Variants in GFRA2 observed in about 807,000 individuals in gnomAD.
The protein encoded by GFRA2 is GDNF family receptor alpha 2, also known as GDNF family receptor alpha-2.
GFRA2 carries 17 observed loss-of-function variants against 48.3 expected under a neutral mutation model. The ratio of observed to expected loss-of-function variants is 0.35; its 90% CI spans 0.24 to 0.53. The LOEUF (loss-of-function observed/expected upper bound fraction) is 0.53. Ranked by LOEUF, GFRA2 falls within the 20% of genes least tolerant of loss-of-function variation. GFRA2 has a pLI of 0.93. For missense variants in GFRA2, 660 were observed against 637.3 expected (o/e 1.04, Z -0.38); for synonymous variants, 305 against 257.2 (o/e 1.19, Z -1.78).
At chr8:21,721,484 C>T (rs145277966) in intron 4 of GFRA2, among the ~76,000 whole-genome samples, 144 of 152,252 alleles carry the variant, frequency 9.5e-4, no homozygotes, top group African/African-American at 3.3e-3. Context: ...TTCTCAAACA[C>T]GCAGAAGGGC....
chr8:21,720,277 C>T (rs77757925), intron 4 of GFRA2, among the ~76,000 whole-genome samples: 6,513 of 152,284 alleles, frequency 0.043, 461 homozygotes, highest in African/African-American at 0.15. Flanking sequence ...GAGAGCAAGA[C>T]TCCAGGCACC....
intron 4 of GFRA2, among the ~76,000 whole-genome samples, chr8:21,729,821 G>A (rs1303639587): frequency 6.6e-6 from 1 of 152,114 alleles, no homozygotes; most frequent in Non-Finnish European, 1.5e-5. Flanking sequence ...CACTCTTCCA[G>A]ACCATGAGAA....
chr8:21,765,497 A>C (rs796818283), intron 3 of GFRA2, among the ~76,000 whole-genome samples: 1 of 151,874 alleles, frequency 6.6e-6, no homozygotes, highest in Non-Finnish European at 1.5e-5. Flanking sequence ...CCCTAGTCTC[A>C]GCTGCCTTTG....
chr8:21,745,508 T>C (rs1345701022), intron 4 of GFRA2, among the ~76,000 whole-genome samples: 1 of 152,150 alleles, frequency 6.6e-6, no homozygotes, highest in Non-Finnish European at 1.5e-5. Context: ...AGGTTGGGGG[T>C]TCTGCAATTC....
chr8:21,708,349 G>A (rs568983260), intron 4 of GFRA2, among the ~76,000 whole-genome samples: 2 of 152,178 alleles, frequency 1.3e-5, no homozygotes, highest in African/African-American at 2.4e-5. Context: ...ATCCCCCTCC[G>A]CAGCCAGCAA....
At chr8:21,764,432 C>T (rs1806057479) in intron 3 of GFRA2, among the ~76,000 whole-genome samples, 1 of 152,234 alleles carries the variant, frequency 6.6e-6, no homozygotes, top group Non-Finnish European at 1.5e-5. Flanking sequence ...CTTAGGATTT[C>T]AACCTATAAA....
chr8:21,734,576 A>T (rs1442604425), intron 4 of GFRA2, among the ~76,000 whole-genome samples: 1 of 152,234 alleles, frequency 6.6e-6, no homozygotes, highest in East Asian at 1.9e-4. Context: ...CTAAAGGTCA[A>T]AGATGGGATA....
upstream of GFRA2, among the ~76,000 whole-genome samples, chr8:21,793,053 C>T (rs35397099): frequency 0.11 from 17,104 of 151,840 alleles, 1,207 homozygotes; most frequent in African/African-American, 0.2. Flanking sequence ...CGCAACAGAG[C>T]GAGACCCTGC....
chr8:21,718,333 G>A (rs374213277), intron 4 of GFRA2, among the ~76,000 whole-genome samples: 32 of 152,276 alleles, frequency 2.1e-4, no homozygotes, highest in African/African-American at 7.7e-4. Flanking sequence ...TGCCATAATT[G>A]TGAGGCTTCC....
upstream of GFRA2, among the ~76,000 whole-genome samples, chr8:21,789,759 ATGCCCCTT>A (rs1230653985): frequency 2.2e-5 from 3 of 136,660 alleles, no homozygotes; most frequent in Non-Finnish European, 4.7e-5. Context: ...CCCCTTCGAG[ATGCCCCTT>A]CCCCAGCCGG....
chr8:21,702,068 T>C (rs1158804129), intron 7 of GFRA2, among the ~76,000 whole-genome samples: 1 of 152,168 alleles, frequency 6.6e-6, no homozygotes, highest in Non-Finnish European at 1.5e-5. Flanking sequence ...CTGGCTGAGC[T>C]GCCCGCCGCT....
At chr8:21,762,514 A>T (rs1256623964) in intron 3 of GFRA2, among the ~76,000 whole-genome samples, 1 of 152,226 alleles carries the variant, frequency 6.6e-6, no homozygotes, top group African/African-American at 2.4e-5. Context: ...ACCACCCAGC[A>T]GTCTCCAGGT....
intron 3 of GFRA2, chr8:21,769,239 C>A: frequency 1.1e-6 from 1 of 918,326 alleles, no homozygotes; most frequent in Non-Finnish European, 1.3e-6. Flanking sequence ...AAGTCTGGCC[C>A]CAGCCCCGCC....
In GFRA2 at chr8:21,704,979, A is replaced by C; in HGVS notation, c.1045+6T>G. 1 of 1,607,524 alleles carries C rather than the reference A, an allele frequency of 6.2e-7. No individual in the cohort carries two copies. ...GCTGGGGTTGGGGAGAACATCCAGAACTTACGGAGGCATGGGTTCTCGGTG... is the reference window on the plus strand; with the variant it reads ...GCTGGGGTTGGGGAGAACATCCAGACCTTACGGAGGCATGGGTTCTCGGTG... On this transcript the variant is annotated splice_donor_region_variant and intron_variant, in intron 6 of 8. Coordinates refer to ENST00000524240, the MANE Select transcript of GFRA2 (RefSeq NM_001495.5).
intron 4 of GFRA2, among the ~76,000 whole-genome samples, chr8:21,721,934 G>T (rs550626560): frequency 1.3e-5 from 2 of 152,180 alleles, no homozygotes; most frequent in African/African-American, 4.8e-5. Context: ...AGAAAACTGC[G>T]TAGACAAATA....
At chr8:21,735,878 C>G (rs1215108747) in intron 4 of GFRA2, among the ~76,000 whole-genome samples, 2 of 152,216 alleles carry the variant, frequency 1.3e-5, no homozygotes, top group Middle Eastern at 6.8e-3. Flanking sequence ...CACTATGTTA[C>G]CCAGGGCTGC....
At chr8:21,697,859 C>T (rs1336218349) in intron 7 of GFRA2, among the ~76,000 whole-genome samples, 1 of 152,164 alleles carries the variant, frequency 6.6e-6, no homozygotes, top group South Asian at 2.1e-4. Context: ...CTCTCTCTTT[C>T]CCAGTCACCA....
At chr8:21,738,943 A>G (rs1042649516) in intron 4 of GFRA2, among the ~76,000 whole-genome samples, 1 of 152,160 alleles carries the variant, frequency 6.6e-6, no homozygotes, top group Non-Finnish European at 1.5e-5. Flanking sequence ...CCTTATTTTG[A>G]CAAGGAAAAC....
intron 4 of GFRA2, among the ~76,000 whole-genome samples, chr8:21,740,557 A>C (rs1804700795): frequency 6.6e-6 from 1 of 152,138 alleles, no homozygotes; most frequent in Admixed American, 6.5e-5. Flanking sequence ...TTTGACTCCT[A>C]GAATACCATA....
Sources: allele counts gnomAD v4.1 joint callset (sites outside exome capture counted in the v4.1 genomes callset), GRCh38; gene constraint gnomAD v4.1.1; transcripts MANE v1.5; gene names NCBI Gene and HGNC (gene_info 2026-07-23, HGNC 2026-07-21).